Variants in NBAS observed in about 807,000 individuals in gnomAD.
NBAS encodes the protein NAG/BC035112 fusion.
Under a neutral mutation model 302.5 loss-of-function variants are expected in NBAS, and 219 were observed. The ratio of observed to expected loss-of-function variants is 0.72; its 90% CI spans 0.65 to 0.81. The LOEUF (loss-of-function observed/expected upper bound fraction) is 0.81, where lower values mean the gene tolerates loss of function less well. NBAS is among the 30% of genes least tolerant of loss of function. NBAS has a pLI of 0.00. For missense variants in NBAS, 2,932 were observed against 2,841.6 expected, an observed-to-expected ratio of 1.03 and a Z score of -0.72; for synonymous variants, 1,118 against 1,021.6, an observed-to-expected ratio of 1.09 and a Z score of -1.80.
chr2:15,250,664 C>A (rs1161308736), intron 44 of NBAS, among the ~76,000 whole-genome samples: 1 of 152,194 alleles, frequency 6.6e-6, no homozygotes, highest in Non-Finnish European at 1.5e-5. Context: ...TGAACAGACA[C>A]ATCTCAAAAG....
chr2:15,107,339 G>A, the NBAS span, among the ~76,000 whole-genome samples: 1 of 152,070 alleles, frequency 6.6e-6, no homozygotes, highest in African/African-American at 2.4e-5. Flanking sequence ...CGACCATGCT[G>A]GCTCCTGGAT....
intron 5 of NBAS, 123 bp downstream of exon 5, chr2:15,553,303 A>T: frequency 1.1e-6 from 1 of 923,074 alleles, no homozygotes; most frequent in Non-Finnish European, 1.7e-6. Context: ...ACACTCACAA[A>T]ATTAAGTGAG....
the NBAS span, among the ~76,000 whole-genome samples, chr2:15,147,536 G>A: frequency 6.6e-6 from 1 of 152,036 alleles, no homozygotes; most frequent in African/African-American, 2.4e-5. Flanking sequence ...AGGTTGCTGT[G>A]AGCCAAGATC....
intron 35 of NBAS, among the ~76,000 whole-genome samples, chr2:15,349,915 A>G (rs1342588467): frequency 6.6e-6 from 1 of 152,198 alleles, no homozygotes; most frequent in African/African-American, 2.4e-5. Flanking sequence ...CAGGTATGAC[A>G]TATTTCCTTC....
At chr2:15,375,108 T>C (rs1424357558) in intron 30 of NBAS, among the ~76,000 whole-genome samples, 1 of 152,202 alleles carries the variant, frequency 6.6e-6, no homozygotes, top group Non-Finnish European at 1.5e-5. Flanking sequence ...CCAGTTTCCC[T>C]TCTACGAAAA....
intron 47 of NBAS, among the ~76,000 whole-genome samples, chr2:15,222,192 A>G (rs1259997350): frequency 1.3e-5 from 2 of 152,222 alleles, no homozygotes. Context: ...AATGGGAATG[A>G]TAGAGGATTT....
intron 9 of NBAS, among the ~76,000 whole-genome samples, chr2:15,512,684 G>A (rs1202187582): frequency 1.3e-5 from 2 of 152,092 alleles, no homozygotes; most frequent in Non-Finnish European, 2.9e-5. Flanking sequence ...GGTAGAAGGG[G>A]CCACAAGCCA....
Position 15,179,129 on chromosome 2 carries a change from AGCAGGG to A in NBAS, c.6712-19_6712-14del. ...GCTCCTTCACACCCTGAAACCACAG[AGCAGGG>A]GTGAGCGAGAACTCCACGACGTACT... On this transcript the variant is annotated splice_polypyrimidine_tract_variant and intron_variant, in intron 50 of 51. Coordinates refer to ENST00000281513, the MANE Select transcript of NBAS (RefSeq NM_015909.4). 1 of 1,613,976 alleles carries A rather than the reference AGCAGGG, an allele frequency of 6.2e-7. No individual in the cohort carries two copies. Among genetic ancestry groups the A allele is most frequent in the Non-Finnish European group, 8.5e-7 (1 of 1,179,966 alleles).
At chr2:14,848,911 C>T in the NBAS span, among the ~76,000 whole-genome samples, 14 of 149,784 alleles carry the variant, frequency 9.3e-5, no homozygotes, top group Non-Finnish European at 1.6e-4. Context: ...ACATCCACAC[C>T]GAAAACCCAT....
chr2:14,970,738 AATCAAAGGACAAGT>A, the NBAS span, among the ~76,000 whole-genome samples: 1 of 152,210 alleles, frequency 6.6e-6, no homozygotes, highest in Non-Finnish European at 1.5e-5. Context: ...GGAGGCCTCA[AATCAAAGGACAAGT>A]CAACTGTACC....
chr2:14,862,324 G>A, the NBAS span, among the ~76,000 whole-genome samples: 2 of 151,904 alleles, frequency 1.3e-5, no homozygotes. Flanking sequence ...TCACCATATT[G>A]GTCAGGCTGA....
chr2:14,796,919 C>CAAAAAAAAA, the NBAS span, among the ~76,000 whole-genome samples: 10 of 86,478 alleles, frequency 1.2e-4, no homozygotes, highest in African/African-American at 1.6e-4. Flanking sequence ...CTAAAAAATA[C>CAAAAAAAAA]AAAAAAAAAA....
At chr2:15,346,864 A>G (rs770515405) in intron 35 of NBAS, among the ~76,000 whole-genome samples, 58 of 152,214 alleles carry the variant, frequency 3.8e-4, no homozygotes, top group Non-Finnish European at 6.0e-4. Context: ...ACATAGATGA[A>G]GCTAGAAGCC....
At chr2:15,078,697 T>C in the NBAS span, among the ~76,000 whole-genome samples, 47 of 152,186 alleles carry the variant, frequency 3.1e-4, no homozygotes, top group Non-Finnish European at 5.4e-4. Flanking sequence ...AGTGAAACAC[T>C]TCCACATAAT....
chr2:14,780,083 C>A, the NBAS span, among the ~76,000 whole-genome samples: 1 of 152,148 alleles, frequency 6.6e-6, no homozygotes, highest in African/African-American at 2.4e-5. Flanking sequence ...GAAAGAAAGG[C>A]AACTTCCAGT....
intron 28 of NBAS, among the ~76,000 whole-genome samples, chr2:15,387,635 A>T (rs957321390): frequency 7.3e-5 from 11 of 149,950 alleles, no homozygotes; most frequent in African/African-American, 9.8e-5. Context: ...TCATCTGGAA[A>T]TTATTTTTTT....
chr2:15,077,309 C>T, the NBAS span, among the ~76,000 whole-genome samples: 2 of 152,174 alleles, frequency 1.3e-5, no homozygotes, highest in Non-Finnish European at 2.9e-5. Context: ...CAATCACCTC[C>T]CACCAGGTCC....
intron 45 of NBAS, 109 bp from the exon 46 acceptor site, chr2:15,234,856 CA>C: frequency 9.1e-7 from 1 of 1,094,340 alleles, no homozygotes; most frequent in East Asian, 2.5e-5. Flanking sequence ...TGAAAAGCAG[CA>C]ACACCATACC....
chr2:15,336,336 T>C (rs1317043096), intron 35 of NBAS, among the ~76,000 whole-genome samples: 1 of 152,246 alleles, frequency 6.6e-6, no homozygotes, highest in Admixed American at 6.5e-5. Context: ...TTCATTGCTA[T>C]AGCCTCAGAG....
Sources: gnomAD v4.1 joint callset for allele counts (sites outside exome capture counted in the v4.1 genomes callset) on GRCh38, gnomAD v4.1.1 for gene constraint, MANE v1.5 for transcripts, NCBI Gene and HGNC (gene_info 2026-07-23, HGNC 2026-07-21) for gene names.